The following EXOC6B variants were observed in gnomAD, a reference collection of about 807,000 sequenced individuals.
EXOC6B encodes SEC15 homolog B.
EXOC6B carries 54 observed loss-of-function variants against 113.5 expected under a neutral mutation model. The ratio of observed to expected loss-of-function variants is 0.48; its 90% confidence interval spans 0.38 to 0.60. The LOEUF (loss-of-function observed/expected upper bound fraction) is 0.60, where lower values mean the gene tolerates loss of function less well. Among genes scored for constraint, EXOC6B ranks in the 20% least tolerant of loss-of-function variants. The pLI, the probability that EXOC6B is intolerant of heterozygous loss-of-function variation, is 0.00. For synonymous variants in EXOC6B, 357 were observed against 339.0 expected (o/e 1.05, Z -0.58); for missense variants, 797 against 977.5 (o/e 0.82, Z 2.46).
chr2:72,397,617 C>CAAAA (rs1229846045), intron 18 of EXOC6B, among the ~76,000 whole-genome samples: 7,139 of 92,750 alleles, frequency 0.077, 264 homozygotes, highest in African/African-American at 0.14. Context: ...AACCTCATCT[C>CAAAA]AAAAAAAAAA....
intron 20 of EXOC6B, among the ~76,000 whole-genome samples, chr2:72,273,603 C>T (rs1684638878): frequency 6.6e-6 from 1 of 151,950 alleles, no homozygotes; most frequent in Non-Finnish European, 1.5e-5. Flanking sequence ...TAAATGTTTG[C>T]CAGAGAAATA....
intron 5 of EXOC6B, among the ~76,000 whole-genome samples, chr2:72,722,245 T>A (rs1300160415): frequency 6.6e-6 from 1 of 152,086 alleles, no homozygotes; most frequent in East Asian, 1.9e-4. Context: ...ACAAGATAAT[T>A]TTCTCCTTCA....
Position 72,786,062 on chromosome 2 carries a change from A to AAAAAT in EXOC6B, c.113+39731_113+39735dup, listed in dbSNP as rs1573794910. Among the ~76,000 whole-genome samples, 3 of 152,344 alleles carry AAAAAT rather than the reference A, an allele frequency of 2.0e-5. No homozygotes were observed. The South Asian group carries it at 6.2e-4, about 32-fold the overall frequency. On this transcript the variant is annotated intron_variant, in intron 1 of 21. Transcript: ENST00000272427. Reference sequence around the variant, plus strand: ...AAGACAGCAAGACCTTGTCTTCACTAAAAATAAAATAAAATAAAAAATTTA... The same window carrying AAAAAT: ...AAGACAGCAAGACCTTGTCTTCACTAAAAATAAAATAAAATAAAATAAAAAATTTA...
chr2:72,388,758 T>C (rs982358691), intron 18 of EXOC6B, among the ~76,000 whole-genome samples: 9 of 152,206 alleles, frequency 5.9e-5, no homozygotes, highest in African/African-American at 2.2e-4. Flanking sequence ...AGACACACGG[T>C]TGTAATGTCT....
chr2:72,250,956 G>T (rs1222839495), intron 20 of EXOC6B, among the ~76,000 whole-genome samples: 1 of 151,848 alleles, frequency 6.6e-6, no homozygotes, highest in African/African-American at 2.4e-5. Flanking sequence ...TCTTACCTCA[G>T]CCTCTGGAGT....
chr2:72,293,928 C>G (rs942345498), intron 20 of EXOC6B, among the ~76,000 whole-genome samples: 4 of 151,994 alleles, frequency 2.6e-5, no homozygotes, highest in African/African-American at 9.6e-5. Flanking sequence ...AAGAGACCAT[C>G]AAGTTCCAGA....
At chr2:72,628,919 C>T (rs1672224669) in intron 6 of EXOC6B, among the ~76,000 whole-genome samples, 1 of 152,136 alleles carries the variant, frequency 6.6e-6, no homozygotes, top group South Asian at 2.1e-4. Flanking sequence ...TTACTTTCTG[C>T]CTGTGCCCTA....
rs1035968645 is a variant in EXOC6B, at chr2:72,480,613, C to G, written c.1800+3G>C. The G allele has an allele frequency of 6.3e-7, 1 of 1,577,328 alleles. No homozygotes were observed. The highest frequency in any genetic ancestry group is 8.6e-7 in the Non-Finnish European group (1 of 1,159,704). Reference sequence around the variant, plus strand: ...GTTCCACAGTACTGTAGGGCCCTCTCACCTTAAAAGTTGTGGTGCCATAGA... The same window carrying G: ...GTTCCACAGTACTGTAGGGCCCTCTGACCTTAAAAGTTGTGGTGCCATAGA... On this transcript the variant is annotated splice_donor_region_variant and intron_variant, in intron 17 of 21. Coordinates refer to ENST00000272427, the MANE Select transcript of EXOC6B (RefSeq NM_015189.3).
chr2:72,387,766 T>TA (rs1362997438), intron 18 of EXOC6B, among the ~76,000 whole-genome samples: 6 of 152,092 alleles, frequency 3.9e-5, no homozygotes, highest in South Asian at 2.1e-4. Flanking sequence ...GTATTTTTTT[T>TA]AAAAAATAGT....
intron 5 of EXOC6B, among the ~76,000 whole-genome samples, chr2:72,730,579 G>GACACACACACACACACACAC (rs3034987): frequency 2.1e-5 from 3 of 144,456 alleles, no homozygotes; most frequent in African/African-American, 7.9e-5. Context: ...AACAGACAGA[G>GACACACACACACACACACAC]ACACACACAC....
At chr2:72,770,651 C>A (rs1006096212) in intron 1 of EXOC6B, among the ~76,000 whole-genome samples, 4 of 152,016 alleles carry the variant, frequency 2.6e-5, no homozygotes, top group African/African-American at 9.7e-5. Context: ...TTGGGGATTA[C>A]AAATGAGAGA....
intron 6 of EXOC6B, among the ~76,000 whole-genome samples, chr2:72,616,686 A>G (rs756346738): frequency 1.3e-5 from 2 of 152,058 alleles, no homozygotes; most frequent in Non-Finnish European, 2.9e-5. Flanking sequence ...CCATGATTCA[A>G]TTATCCCCCA....
chr2:72,816,235 T>A (rs1686238229), intron 1 of EXOC6B, among the ~76,000 whole-genome samples: 1 of 150,832 alleles, frequency 6.6e-6, no homozygotes, highest in Non-Finnish European at 1.5e-5. Context: ...CTGCATTATT[T>A]TTTCTGGCAA....
At chr2:72,296,807 T>A (rs1686165158) in intron 20 of EXOC6B, among the ~76,000 whole-genome samples, 1 of 152,192 alleles carries the variant, frequency 6.6e-6, no homozygotes, top group Admixed American at 6.5e-5. Context: ...TTTCCTCAGT[T>A]TCTAATCATG....
intron 6 of EXOC6B, among the ~76,000 whole-genome samples, chr2:72,634,467 C>G (rs564109450): frequency 1.3e-5 from 2 of 152,290 alleles, no homozygotes; most frequent in African/African-American, 4.8e-5. Flanking sequence ...ACATCCCCAC[C>G]TTAGGGATGG....
chr2:72,735,937 C>G (rs749557269), intron 2 of EXOC6B, among the ~76,000 whole-genome samples: 3 of 151,952 alleles, frequency 2.0e-5, no homozygotes, highest in Non-Finnish European at 2.9e-5. Context: ...GTAATCCCAG[C>G]ATTCTGGGAG....
intron 18 of EXOC6B, among the ~76,000 whole-genome samples, chr2:72,440,075 T>G (rs1573122242): frequency 6.6e-6 from 1 of 152,088 alleles, no homozygotes. Flanking sequence ...CAGGGAGGTA[T>G]GGACCTGTGG....
At chr2:72,621,633 T>A (rs1671753763) in intron 6 of EXOC6B, among the ~76,000 whole-genome samples, 1 of 152,056 alleles carries the variant, frequency 6.6e-6, no homozygotes, top group East Asian at 1.9e-4. Context: ...AAGTTGAAAT[T>A]TGAAAGGAAA....
intron 1 of EXOC6B, among the ~76,000 whole-genome samples, chr2:72,789,591 A>G (rs1292411595): frequency 6.6e-6 from 1 of 152,236 alleles, no homozygotes; most frequent in Non-Finnish European, 1.5e-5. Flanking sequence ...CATATCAGAA[A>G]CAAAACTAGT....
Sources: gnomAD v4.1 joint callset for allele counts (sites outside exome capture counted in the v4.1 genomes callset) on GRCh38, gnomAD v4.1.1 for gene constraint, MANE v1.5 for transcripts, NCBI Gene and HGNC (gene_info 2026-07-23, HGNC 2026-07-21) for gene names.